The following MTUS2 variants were observed in gnomAD, a reference collection of about 807,000 sequenced individuals.
The protein encoded by MTUS2 is microtubule-associated tumor suppressor candidate 2.
A neutral mutation model predicts 114.1 loss-of-function variants in MTUS2; 40 were observed. That is an observed-to-expected ratio of 0.35 (90% confidence interval 0.27 to 0.46). The LOEUF is 0.46. Ranked by LOEUF, MTUS2 falls within the 20% of genes least tolerant of loss-of-function variation. The pLI, the probability that MTUS2 is intolerant of heterozygous loss-of-function variation, is 1.00. For synonymous variants in MTUS2, 688 were observed against 672.0 expected (o/e 1.02, Z -0.37); for missense variants, 1,679 against 1,705.4 (o/e 0.98, Z 0.27).
chr13:29,070,229 G>A (rs765202881), intron 4 of MTUS2, among the ~76,000 whole-genome samples: 20 of 152,100 alleles, frequency 1.3e-4, no homozygotes, highest in Non-Finnish European at 2.1e-4. Flanking sequence ...CTTCTCAAAT[G>A]TTCCTCTGGA....
intron 5 of MTUS2, among the ~76,000 whole-genome samples, chr13:29,187,344 C>T (rs1400487242): frequency 6.6e-6 from 1 of 152,016 alleles, no homozygotes; most frequent in Admixed American, 6.5e-5. Flanking sequence ...AATTGACAAA[C>T]TATTAGCTTG....
intron 4 of MTUS2, among the ~76,000 whole-genome samples, chr13:29,093,037 A>G (rs1890031709): frequency 6.6e-6 from 1 of 152,136 alleles, no homozygotes; most frequent in Non-Finnish European, 1.5e-5. Flanking sequence ...CTAGCATCAA[A>G]AGAGGGTGCA....
intron 3 of MTUS2, 87 bp from the exon 4 acceptor site, chr13:29,033,798 T>C (rs1023439328): frequency 2.0e-5 from 30 of 1,524,902 alleles, no homozygotes; most frequent in South Asian, 6.1e-5. Context: ...AGAGTGGTCA[T>C]TGGTTCAGCC....
At chr13:29,491,013 G>GTGTGA in intron 11 of MTUS2, among the ~76,000 whole-genome samples, 1 of 147,150 alleles carries the variant, frequency 6.8e-6, no homozygotes. Flanking sequence ...GTGTGGTGTG[G>GTGTGA]GAGGTATGGG....
intron 5 of MTUS2, among the ~76,000 whole-genome samples, chr13:29,257,247 T>A (rs577482474): frequency 1.6e-3 from 245 of 152,310 alleles, no homozygotes; most frequent in African/African-American, 5.7e-3. Context: ...AAACTTGCGG[T>A]GGCTTCGTGT....
intron 2 of MTUS2, among the ~76,000 whole-genome samples, chr13:28,941,369 G>A (rs543504818): frequency 6.6e-6 from 1 of 152,124 alleles, no homozygotes; most frequent in South Asian, 2.1e-4. Flanking sequence ...AGGAATTTAA[G>A]TTAGGAATTT....
At chr13:29,342,693 A>G (rs1450654120) in intron 7 of MTUS2, among the ~76,000 whole-genome samples, 2 of 152,086 alleles carry the variant, frequency 1.3e-5, no homozygotes, top group Non-Finnish European at 2.9e-5. Flanking sequence ...TTCTAGTACT[A>G]TGTTGAATAG....
rs770178819 is a variant in MTUS2, at chr13:29,025,781, C to T, written c.1083C>T (p.Gly361=). The part of the protein sequence containing the change: ...EAHPEATDAL[G]HLLNSDLHHL... ...ACCCGGAAGCCACCGATGCACTTGG[C>T]CATCTGCTGAACAGTGACCTCCACC... Residue 361 remains glycine (G), a synonymous_variant, in exon 3 of 16, where the codon GGC becomes GGT. Transcript: ENST00000612955. The T allele has an allele frequency of 6.2e-7, 1 of 1,613,966 alleles. No homozygotes were observed. Among genetic ancestry groups the T allele is most frequent in the East Asian group, 2.2e-5 (1 of 44,878 alleles).
chr13:29,129,074 G>A (rs939611144), intron 5 of MTUS2, among the ~76,000 whole-genome samples: 1 of 152,110 alleles, frequency 6.6e-6, no homozygotes, highest in Non-Finnish European at 1.5e-5. Context: ...GTGGTGGCAA[G>A]TGCATTTCTG....
intron 1 of MTUS2, among the ~76,000 whole-genome samples, chr13:28,830,010 A>G (rs116195390): frequency 0.02 from 3,008 of 151,560 alleles, 102 homozygotes; most frequent in African/African-American, 0.069. Flanking sequence ...CATGTACCCC[A>G]CCCCCCAACA....
chr13:29,011,106 T>G (rs915616550), intron 2 of MTUS2, among the ~76,000 whole-genome samples: 1 of 152,242 alleles, frequency 6.6e-6, no homozygotes, highest in African/African-American at 2.4e-5. Flanking sequence ...ACTATTTTAT[T>G]TAAAAAATAA....
intron 2 of MTUS2, among the ~76,000 whole-genome samples, chr13:28,857,327 G>C (rs1413852663): frequency 6.6e-6 from 1 of 152,186 alleles, no homozygotes; most frequent in Non-Finnish European, 1.5e-5. Flanking sequence ...AAAGGCTAAA[G>C]TCATAGGGTC....
rs1887831383 is a variant in MTUS2, at chr13:29,050,284, G to A, written c.2446+16159G>A. 3.3e-5 allele frequency among the ~76,000 whole-genome samples: 5 copies of A among 152,026 alleles called. No homozygotes were observed. In the South Asian group the frequency reaches 8.3e-4, roughly 25 times the overall value. ...TTTTACCTGTTATGGTCAAAATGAA[G>A]TACAGAGACTGGAACTCCCCCTTAT... On this transcript the variant is annotated intron_variant, in intron 4 of 15. Coordinates refer to ENST00000612955, the MANE Select transcript of MTUS2 (RefSeq NM_001033602.4).
intron 7 of MTUS2, among the ~76,000 whole-genome samples, chr13:29,329,757 G>C (rs1363980317): frequency 6.6e-6 from 1 of 151,826 alleles, no homozygotes; most frequent in Non-Finnish European, 1.5e-5. Flanking sequence ...GGGACTACAG[G>C]TGTGTGCCAC....
intron 8 of MTUS2, among the ~76,000 whole-genome samples, chr13:29,374,458 C>T (rs1871426060): frequency 6.6e-6 from 1 of 152,206 alleles, no homozygotes; most frequent in African/African-American, 2.4e-5. Flanking sequence ...AAAAATTACA[C>T]ATTACCTATC....
intron 8 of MTUS2, among the ~76,000 whole-genome samples, chr13:29,369,100 C>T (rs2388094): frequency 0.66 from 99,308 of 149,444 alleles, 32,677 homozygotes; most frequent in East Asian, 0.76. Flanking sequence ...GTTACAGATA[C>T]CAGGTACCAG....
At chr13:28,847,923 T>C (rs1047672213) in intron 2 of MTUS2, among the ~76,000 whole-genome samples, 2 of 152,192 alleles carry the variant, frequency 1.3e-5, no homozygotes, top group Non-Finnish European at 2.9e-5. Flanking sequence ...CTATTCACTG[T>C]CACAGGTGGG....
chr13:29,083,628 C>T (rs1889541921), intron 4 of MTUS2, among the ~76,000 whole-genome samples: 1 of 152,104 alleles, frequency 6.6e-6, no homozygotes, highest in Admixed American at 6.6e-5. Flanking sequence ...GTTACATAAT[C>T]CACTGTGTAG....
intron 2 of MTUS2, among the ~76,000 whole-genome samples, chr13:28,843,234 T>C (rs1875629725): frequency 6.6e-6 from 1 of 152,170 alleles, no homozygotes; most frequent in South Asian, 2.1e-4. Flanking sequence ...TTGCAATTGG[T>C]TTCCCAGAGA....
Sources: gnomAD v4.1 joint callset for allele counts (sites outside exome capture counted in the v4.1 genomes callset) on GRCh38, gnomAD v4.1.1 for gene constraint, MANE v1.5 for transcripts, NCBI Gene and HGNC (gene_info 2026-07-23, HGNC 2026-07-21) for gene names.